ILRUN: variants seen among roughly 807,000 people sequenced by gnomAD.
ILRUN encodes the protein protein ILRUN.
Under a neutral mutation model 33.8 loss-of-function variants are expected in ILRUN, and 3 were observed. That is an observed-to-expected ratio of 0.09 (90% CI 0.04 to 0.23). ILRUN has a LOEUF of 0.23. Ranked by LOEUF, ILRUN falls within the 10% of genes least tolerant of loss-of-function variation. The pLI, the probability that ILRUN is intolerant of heterozygous loss-of-function variation, is 1.00. For synonymous variants in ILRUN, 124 were observed against 138.9 expected (o/e 0.89, Z 0.75); for missense variants, 210 against 375.1 (o/e 0.56, Z 3.64).
intron 4 of ILRUN, among the ~76,000 whole-genome samples, chr6:34,605,083 G>A (rs778472982): frequency 3.3e-5 from 5 of 152,132 alleles, no homozygotes; most frequent in Non-Finnish European, 5.9e-5. Flanking sequence ...GAGGCGGGTG[G>A]ATCACCTGAG....
intron 1 of ILRUN, 116 bp downstream of exon 1, chr6:34,696,330 A>C (rs1763772277): frequency 4.7e-6 from 5 of 1,064,308 alleles, no homozygotes; most frequent in Non-Finnish European, 6.6e-6. Context: ...CGTCCCGGGA[A>C]GGGGTGGCCC....
chr6:34,617,246 A>G (rs1177171972), intron 3 of ILRUN: 1 of 395,976 alleles, frequency 2.5e-6, no homozygotes. Flanking sequence ...CGCTTAATAG[A>G]AGAATGAACT....
chr6:34,659,766 C>T (rs1293789739), intron 1 of ILRUN, among the ~76,000 whole-genome samples: 2 of 151,714 alleles, frequency 1.3e-5, no homozygotes, highest in African/African-American at 4.8e-5. Flanking sequence ...GGATTACAGG[C>T]ATGTGCCACC....
At chr6:34,639,761 A>G (rs886453461) in intron 3 of ILRUN, among the ~76,000 whole-genome samples, 1 of 152,228 alleles carries the variant, frequency 6.6e-6, no homozygotes, top group Non-Finnish European at 1.5e-5. Flanking sequence ...AGTGACAGCC[A>G]AAGTAATGAC....
At position 34,606,671 on chromosome 6, in the gene ILRUN, T is replaced by C; in HGVS notation, c.745A>G (p.Thr249Ala). Reference protein sequence around the residue: ...SKNTWAPAPDTWAPAPDQTEQ... With the variant: ...SKNTWAPAPDAWAPAPDQTEQ... ...GTTTGGTCAGGAGCAGGAGCCCATG[T>C]GTCAGGAGCAGGAGCCCATGTGTTT... The change falls in exon 4 of 5, where the codon ACA becomes GCA. Residue 249 changes from threonine to alanine, a missense_variant. Thr to Ala is a moderately conservative substitution (Grantham distance 58). Coordinates refer to ENST00000374023, the MANE Select transcript of ILRUN (RefSeq NM_024294.4). The C allele has an allele frequency of 6.2e-7, 1 of 1,612,570 alleles. No individual in the cohort carries two copies. The highest frequency in any genetic ancestry group is 8.5e-7 in the Non-Finnish European group (1 of 1,178,600).
At chr6:34,659,364 C>T (rs567353928) in intron 1 of ILRUN, among the ~76,000 whole-genome samples, 53 of 152,236 alleles carry the variant, frequency 3.5e-4, no homozygotes, top group Admixed American at 5.9e-4. Context: ...CACTGACAGG[C>T]GAGGTTAATT....
chr6:34,590,638 A>G (rs1157543234), intron 4 of ILRUN, 38 bp from the exon 5 acceptor site: 2 of 1,452,276 alleles, frequency 1.4e-6, no homozygotes, highest in Non-Finnish European at 1.9e-6. Flanking sequence ...TGGTACACAT[A>G]GCAGTGCAAC....
chr6:34,628,325 T>C (rs1004788312), intron 3 of ILRUN, among the ~76,000 whole-genome samples: 46 of 151,018 alleles, frequency 3.0e-4, no homozygotes, highest in African/African-American at 1.1e-3. Flanking sequence ...CTAGCCTTTT[T>C]ACACTTTTTT....
At chr6:34,615,733 C>G (rs1761876026) in intron 3 of ILRUN, among the ~76,000 whole-genome samples, 1 of 152,186 alleles carries the variant, frequency 6.6e-6, no homozygotes, top group South Asian at 2.1e-4. Context: ...AGGGAACCAT[C>G]ATGCGCCCAA....
Position 34,661,515 on chromosome 6 carries a change from A to G in ILRUN, c.159-6736T>C, listed in dbSNP as rs115983019. Among the ~76,000 whole-genome samples the G allele has an allele frequency of 8.6e-3, 1,314 of 152,262 alleles. 9 individuals carry two copies. The highest frequency in any genetic ancestry group is 0.024 in the Middle Eastern group (7 of 294). On this transcript the variant is annotated intron_variant, in intron 1 of 4. Transcript: ENST00000374023. ...GTTTCTCTCATAGTATCTGGTCTATAAACTACACATTTGAGAGCTCTGGAC... is the reference window on the plus strand; with the variant it reads ...GTTTCTCTCATAGTATCTGGTCTATGAACTACACATTTGAGAGCTCTGGAC...
chr6:34,601,334 T>C (rs932750298), intron 4 of ILRUN, among the ~76,000 whole-genome samples: 6 of 152,240 alleles, frequency 3.9e-5, no homozygotes, highest in African/African-American at 1.4e-4. Flanking sequence ...ACCTGTTCCT[T>C]GCCAGAGGGC....
chr6:34,597,251 T>C (rs1761420611), intron 4 of ILRUN, among the ~76,000 whole-genome samples: 1 of 152,220 alleles, frequency 6.6e-6, no homozygotes, highest in South Asian at 2.1e-4. Flanking sequence ...AAAAAGCTAT[T>C]TGTTATTCAG....
intron 4 of ILRUN, among the ~76,000 whole-genome samples, chr6:34,591,477 A>G (rs1761291744): frequency 6.6e-6 from 1 of 151,872 alleles, no homozygotes; most frequent in Non-Finnish European, 1.5e-5. Flanking sequence ...CAGGCTGGGC[A>G]ACAGAGCGAA....
chr6:34,673,121 T>A (rs1763149671), intron 1 of ILRUN, among the ~76,000 whole-genome samples: 1 of 152,162 alleles, frequency 6.6e-6, no homozygotes, highest in Non-Finnish European at 1.5e-5. Context: ...CAGCAAAATC[T>A]GGGATATCAG....
At chr6:34,656,446 T>C (rs1316863435) in intron 1 of ILRUN, among the ~76,000 whole-genome samples, 1 of 152,156 alleles carries the variant, frequency 6.6e-6, no homozygotes, top group Non-Finnish European at 1.5e-5. Context: ...AGGGTTTCAG[T>C]AAGCTGCGTT....
At chr6:34,689,693 G>A (rs1581561982) in intron 1 of ILRUN, among the ~76,000 whole-genome samples, 1 of 151,846 alleles carries the variant, frequency 6.6e-6, no homozygotes, top group Non-Finnish European at 1.5e-5. Context: ...AAGGTAATAC[G>A]TGATCAGGTA....
chr6:34,671,530 CAGTT>C (rs776423060), intron 1 of ILRUN, among the ~76,000 whole-genome samples: 3 of 152,348 alleles, frequency 2.0e-5, no homozygotes, highest in Non-Finnish European at 4.4e-5. Context: ...GTGGCAATAA[CAGTT>C]AGAACTTAAT....
At chr6:34,601,741 T>C (rs1286897506) in intron 4 of ILRUN, among the ~76,000 whole-genome samples, 1 of 151,794 alleles carries the variant, frequency 6.6e-6, no homozygotes. Context: ...CTCACCTGGA[T>C]GGAGAGAAAA....
chr6:34,645,775 G>C (rs1048545891), intron 3 of ILRUN, among the ~76,000 whole-genome samples: 1 of 152,196 alleles, frequency 6.6e-6, no homozygotes, highest in Non-Finnish European at 1.5e-5. Flanking sequence ...ATTAATTTGA[G>C]CATCACCGTG....
Sources: allele counts gnomAD v4.1 joint callset (sites outside exome capture counted in the v4.1 genomes callset), GRCh38; gene constraint gnomAD v4.1.1; transcripts MANE v1.5; gene names NCBI Gene and HGNC (gene_info 2026-07-23, HGNC 2026-07-21).